Variants in SOX5 observed in about 807,000 individuals in gnomAD.
The protein encoded by SOX5 is SRY-box transcription factor 5.
Under a neutral mutation model 92.0 loss-of-function variants are expected in SOX5, and 9 were observed. That is an observed-to-expected ratio of 0.10 (90% confidence interval 0.06 to 0.17). The LOEUF (loss-of-function observed/expected upper bound fraction) is 0.17. Among genes scored for constraint, SOX5 ranks in the 10% least tolerant of loss-of-function variants. The pLI, the probability that SOX5 is intolerant of heterozygous loss-of-function variation, is 1.00. For synonymous variants in SOX5, 344 were observed against 336.3 expected, an observed-to-expected ratio of 1.02 and a Z score of -0.25; for missense variants, 642 against 944.5, an observed-to-expected ratio of 0.68 and a Z score of 4.20.
chr12:24,270,301 C>T (rs1017756338), intron 3 of SOX5, among the ~76,000 whole-genome samples: 5 of 152,162 alleles, frequency 3.3e-5, no homozygotes, highest in South Asian at 4.1e-4. Flanking sequence ...GCTCGTGATC[C>T]ACCTGCCTCA....
At chr12:24,408,281 A>C (rs1390646823) in intron 1 of SOX5, among the ~76,000 whole-genome samples, 1 of 152,236 alleles carries the variant, frequency 6.6e-6, no homozygotes, top group Non-Finnish European at 1.5e-5. Flanking sequence ...TTCAGATTTT[A>C]ATCTAGAAGA....
At chr12:23,877,092 G>A (rs907269922) in intron 2 of SOX5, among the ~76,000 whole-genome samples, 3 of 152,084 alleles carry the variant, frequency 2.0e-5, no homozygotes, top group Admixed American at 2.0e-4. Flanking sequence ...GTATACCTAT[G>A]TAACAAACCT....
rs1379927755 is a variant in SOX5 at position 24,006,784 on chromosome 12, T to A, written c.-1-110760A>T. Among the ~76,000 whole-genome samples the A allele has an allele frequency of 2.6e-5, 4 of 152,036 alleles. No individual in the cohort carries two copies. In the South Asian group the frequency reaches 8.3e-4, roughly 32 times the overall value. On this transcript the variant is annotated intron_variant, in intron 4 of 4. Transcript: ENST00000446891. ...TTAAAAAAAAATCAGACAGAAAAGA[T>A]CTATTGATTCATCCTCCTCAAATAG...
Position 24,053,631 on chromosome 12 carries a change from T to C in SOX5, c.-1-157607A>G, listed in dbSNP as rs1408904919. ...AAAAGAGTAAGTGAATTAAATAACA[T>C]ACATTTATACTCAATTTTCCCAAAG... On this transcript the variant is annotated intron_variant, in intron 4 of 4. Transcript: ENST00000446891. Among the ~76,000 whole-genome samples the C allele has an allele frequency of 5.9e-5, 9 of 152,322 alleles. No homozygotes were observed. In the East Asian group the frequency reaches 1.7e-3, roughly 29 times the overall value.
At chr12:23,573,984 A>G (rs1948750497) in intron 10 of SOX5, among the ~76,000 whole-genome samples, 1 of 151,698 alleles carries the variant, frequency 6.6e-6, no homozygotes, top group Non-Finnish European at 1.5e-5. Context: ...ACAGCAATAA[A>G]TAATATATTA....
intron 1 of SOX5, among the ~76,000 whole-genome samples, chr12:24,429,225 G>A (rs1295101247): frequency 6.6e-6 from 1 of 152,114 alleles, no homozygotes; most frequent in Non-Finnish European, 1.5e-5. Flanking sequence ...GCTGAGGCAG[G>A]AGAATGGCGT....
At chr12:24,446,760 A>G (rs1941541611) in intron 1 of SOX5, among the ~76,000 whole-genome samples, 1 of 151,774 alleles carries the variant, frequency 6.6e-6, no homozygotes, top group Admixed American at 6.6e-5. Flanking sequence ...AAGGATAAAC[A>G]TAATATATGT....
At chr12:23,719,788 C>CAAAAAA (rs33914230) in intron 6 of SOX5, among the ~76,000 whole-genome samples, 4,127 of 63,912 alleles carry the variant, frequency 0.065, 201 homozygotes, top group Non-Finnish European at 0.087. Flanking sequence ...AGCTATTTAC[C>CAAAAAA]AAAAAAAAAA....
chr12:24,436,348 A>G (rs566445531), intron 1 of SOX5, among the ~76,000 whole-genome samples: 3 of 152,356 alleles, frequency 2.0e-5, no homozygotes, highest in African/African-American at 7.2e-5. Flanking sequence ...CAGTGAATAC[A>G]TGAATGATAA....
intron 3 of SOX5, among the ~76,000 whole-genome samples, chr12:23,827,138 C>G (rs370346616): frequency 6.6e-6 from 1 of 152,092 alleles, no homozygotes; most frequent in East Asian, 1.9e-4. Flanking sequence ...GGCCTGAGAA[C>G]AAATGGTACA....
chr12:24,284,095 T>C (rs900165681), intron 2 of SOX5, among the ~76,000 whole-genome samples: 2 of 152,248 alleles, frequency 1.3e-5, no homozygotes, highest in Non-Finnish European at 2.9e-5. Context: ...TCGCATTGTC[T>C]GTCCCCAATC....
At chr12:23,905,681 A>T (rs1452774270) in intron 1 of SOX5, among the ~76,000 whole-genome samples, 1 of 152,178 alleles carries the variant, frequency 6.6e-6, no homozygotes, top group Non-Finnish European at 1.5e-5. Flanking sequence ...AATACAGCAA[A>T]ACTGAAGGAA....
At chr12:23,777,724 C>G (rs2095150530) in intron 3 of SOX5, among the ~76,000 whole-genome samples, 2 of 151,708 alleles carry the variant, frequency 1.3e-5, no homozygotes, top group Non-Finnish European at 2.9e-5. Flanking sequence ...AAACATTTAA[C>G]TAATCTAAAT....
intron 1 of SOX5, among the ~76,000 whole-genome samples, chr12:24,440,590 TCCTTTGTGTGTGTGTGTG>T (rs1940340719): frequency 7.2e-6 from 1 of 139,216 alleles, no homozygotes; most frequent in Non-Finnish European, 1.5e-5. Flanking sequence ...ATTCACATGA[TCCTTTGTGTGTGTGTGTG>T]TGTGTGTGTG....
intron 9 of SOX5, among the ~76,000 whole-genome samples, chr12:23,578,145 A>AAAAAAAAAAAAAAAAAAG (rs1949519114): frequency 7.6e-6 from 1 of 132,268 alleles, no homozygotes; most frequent in East Asian, 2.3e-4. Context: ...AAAAAAAAAA[A>AAAAAAAAAAAAAAAAAAG]AAAAACTATA....
intron 1 of SOX5, among the ~76,000 whole-genome samples, chr12:24,521,700 T>C (rs892100966): frequency 3.3e-5 from 5 of 151,898 alleles, no homozygotes; most frequent in Non-Finnish European, 2.9e-5. Flanking sequence ...CAACACACTC[T>C]TGAACAACCA....
chr12:23,677,641 ATTC>A (rs1463065949), intron 6 of SOX5, among the ~76,000 whole-genome samples: 1 of 152,184 alleles, frequency 6.6e-6, no homozygotes, highest in Non-Finnish European at 1.5e-5. Flanking sequence ...TCTGTGCATT[ATTC>A]TTATTTTGTT....
intron 3 of SOX5, among the ~76,000 whole-genome samples, chr12:23,790,489 A>C (rs940567692): frequency 1.3e-5 from 2 of 150,646 alleles, no homozygotes; most frequent in Admixed American, 6.6e-5. Flanking sequence ...CCCTTCTTGC[A>C]GCGCCTGCCC....
chr12:24,013,195 T>C (rs1249597687), intron 4 of SOX5, among the ~76,000 whole-genome samples: 1 of 152,112 alleles, frequency 6.6e-6, no homozygotes, highest in African/African-American at 2.4e-5. Flanking sequence ...TGCAGACAGA[T>C]GAGAAAAAAT....
Sources: allele counts gnomAD v4.1 joint callset (sites outside exome capture counted in the v4.1 genomes callset), GRCh38; gene constraint gnomAD v4.1.1; transcripts MANE v1.5; gene names NCBI Gene and HGNC (gene_info 2026-07-23, HGNC 2026-07-21).